The following AGBL1 variants were observed in gnomAD, a reference collection of about 807,000 sequenced individuals.
AGBL1 encodes the protein AGBL carboxypeptidase 1.
In AGBL1, 130 loss-of-function variants were observed where a neutral mutation model predicts 118.9. That is an observed-to-expected ratio of 1.09 (90% CI 0.95 to 1.26). The LOEUF (loss-of-function observed/expected upper bound fraction) is 1.26, where lower values mean the gene tolerates loss of function less well. Ranked by LOEUF, AGBL1 falls within the 50% of genes most tolerant of loss-of-function variation. The pLI, the probability that AGBL1 is intolerant of heterozygous loss-of-function variation, is 0.00. For synonymous variants in AGBL1, 555 were observed against 478.9 expected (o/e 1.16, Z -2.08); for missense variants, 1,584 against 1,298.1 (o/e 1.22, Z -3.38).
intron 23 of AGBL1, among the ~76,000 whole-genome samples, chr15:86,931,343 C>G (rs1045577991): frequency 6.6e-6 from 1 of 152,162 alleles, no homozygotes; most frequent in Non-Finnish European, 1.5e-5. Context: ...TGTAAGCTAT[C>G]AGAGAGGTCA....
chr15:86,746,963 T>C (rs778372590), intron 22 of AGBL1, among the ~76,000 whole-genome samples: 18 of 152,058 alleles, frequency 1.2e-4, no homozygotes, highest in South Asian at 4.1e-4. Context: ...AAGGAATTGA[T>C]AAGATCGCAT....
intron 18 of AGBL1, among the ~76,000 whole-genome samples, chr15:86,410,946 T>G (rs1271507181): frequency 9.8e-6 from 1 of 101,612 alleles, no homozygotes; most frequent in African/African-American, 3.5e-5. Context: ...ATATTATATA[T>G]ATATAGAGAG....
chr15:86,379,618 GACA>G (rs1158468269), intron 17 of AGBL1, among the ~76,000 whole-genome samples: 25 of 152,180 alleles, frequency 1.6e-4, no homozygotes, highest in Non-Finnish European at 2.9e-5. Flanking sequence ...ATTTAATTTT[GACA>G]ACAACCCCAT....
chr15:86,284,459 C>T (rs759852838), intron 16 of AGBL1, among the ~76,000 whole-genome samples: 5 of 152,126 alleles, frequency 3.3e-5, no homozygotes, highest in African/African-American at 4.8e-5. Context: ...TATTGGCAGA[C>T]TGGGACAGTT....
intron 22 of AGBL1, among the ~76,000 whole-genome samples, chr15:86,796,021 A>G (rs2078565671): frequency 6.6e-6 from 1 of 152,068 alleles, no homozygotes; most frequent in Non-Finnish European, 1.5e-5. Context: ...ACTATGCAGC[A>G]GTCTTCTTAC....
intron 22 of AGBL1, among the ~76,000 whole-genome samples, chr15:86,900,185 G>C (rs899974021): frequency 4.6e-5 from 7 of 152,152 alleles, no homozygotes; most frequent in African/African-American, 1.4e-4. Context: ...TGGGGACTCA[G>C]ACTGGCTTTC....
intron 5 of AGBL1, among the ~76,000 whole-genome samples, chr15:86,175,625 T>C (rs1038399858): frequency 2.6e-5 from 4 of 152,150 alleles, no homozygotes; most frequent in Admixed American, 1.3e-4. Flanking sequence ...TTTTTTGACA[T>C]AGTCACTTTT....
rs555921649 is a variant in AGBL1 at position 86,419,194 on chromosome 15, G to A, written c.2555+21648G>A. ...AAGATGGCTGAATAGGAACAGCTCC[G>A]GTCTATAGCTCCTACCGAGATCAAC... is the stretch of plus-strand genomic sequence containing the variant. On this transcript the variant is annotated intron_variant, in intron 18 of 22. Coordinates refer to ENST00000614907, the MANE Select transcript of AGBL1 (RefSeq NM_001386094.1). Among the ~76,000 whole-genome samples, 326 of 55,642 alleles carry A rather than the reference G, an allele frequency of 5.9e-3. 2 individuals are homozygous for A. The highest frequency in any genetic ancestry group is 0.022 in the African/African-American group (306 of 13,954). The allele number at this position is 55,642 out of a possible 152,430, so 36.5% of individuals were successfully genotyped here. A position where few individuals can be genotyped will look rare whatever the true frequency, so the allele number is the denominator to read the frequency against.
chr15:86,279,097 C>G (rs536283191), intron 15 of AGBL1, among the ~76,000 whole-genome samples: 1 of 152,326 alleles, frequency 6.6e-6, no homozygotes, highest in East Asian at 1.9e-4. Context: ...TTTCATCATC[C>G]ACATGATGGG....
At chr15:86,725,506 G>T (rs1481496818) in intron 22 of AGBL1, among the ~76,000 whole-genome samples, 3 of 152,238 alleles carry the variant, frequency 2.0e-5, no homozygotes, top group African/African-American at 7.2e-5. Context: ...TAGCTGAAAA[G>T]TTGTGGCTGC....
At chr15:86,206,633 T>C (rs2077997091) in intron 5 of AGBL1, among the ~76,000 whole-genome samples, 4 of 152,256 alleles carry the variant, frequency 2.6e-5, no homozygotes, top group Admixed American at 2.6e-4. Context: ...TGTCTTTTCA[T>C]ATCCTCTCCC....
intron 23 of AGBL1, among the ~76,000 whole-genome samples, chr15:86,945,205 C>T (rs187933886): frequency 2.1e-3 from 267 of 129,910 alleles, no homozygotes; most frequent in Middle Eastern, 0.017. Context: ...GATCTTACCA[C>T]GACACCCAAG....
chr15:86,413,920 C>A (rs2081655215), intron 18 of AGBL1, among the ~76,000 whole-genome samples: 1 of 151,996 alleles, frequency 6.6e-6, no homozygotes, highest in Admixed American at 6.6e-5. Context: ...GTGGAATCAA[C>A]CTAACTGTCC....
Position 86,578,449 on chromosome 15 carries a change from C to T in AGBL1, c.2994+23912C>T, listed in dbSNP as rs563445323. 7.2e-5 allele frequency among the ~76,000 whole-genome samples: 11 copies of T among 151,850 alleles called. No homozygotes were observed. The East Asian group carries it at 9.7e-4, about 13-fold the overall frequency. Reference sequence around the variant, plus strand: ...ACTTGCCTTGTCTCAGATGAGACTTCGGACTGTGGACTTTTGAGTTAATGC... The same window carrying T: ...ACTTGCCTTGTCTCAGATGAGACTTTGGACTGTGGACTTTTGAGTTAATGC... On this transcript the variant is annotated intron_variant, in intron 21 of 22. Transcript: ENST00000614907.
intron 21 of AGBL1, among the ~76,000 whole-genome samples, chr15:86,670,650 G>GTGTGTGTGTATA (rs369000727): frequency 1.4e-5 from 2 of 141,106 alleles, no homozygotes; most frequent in East Asian, 4.5e-4. Context: ...GTGTGTGTGT[G>GTGTGTGTGTATA]TATATATATA....
At chr15:86,548,996 T>C (rs2083627501) in intron 20 of AGBL1, among the ~76,000 whole-genome samples, 1 of 151,956 alleles carries the variant, frequency 6.6e-6, no homozygotes, top group Admixed American at 6.6e-5. Context: ...TGTCACACAC[T>C]TTTAAACTAC....
chr15:86,717,161 C>T (rs753552024), intron 22 of AGBL1, among the ~76,000 whole-genome samples: 2 of 151,984 alleles, frequency 1.3e-5, no homozygotes, highest in African/African-American at 2.4e-5. Flanking sequence ...ACAAGGGAAG[C>T]GAAGGGCAGG....
chr15:86,665,340 T>TA (rs1225964971), intron 21 of AGBL1, among the ~76,000 whole-genome samples: 3 of 2,270 alleles, frequency 1.3e-3, no homozygotes, highest in African/African-American at 2.5e-3. Context: ...CACTTCCAAA[T>TA]TTCCTTGGAA....
chr15:86,787,803 G>A (rs772298008), intron 22 of AGBL1, among the ~76,000 whole-genome samples: 4 of 152,092 alleles, frequency 2.6e-5, no homozygotes, highest in African/African-American at 9.7e-5. Flanking sequence ...AATTACTACC[G>A]AGTTTGTGGT....
Sources: gnomAD v4.1 joint callset for allele counts (sites outside exome capture counted in the v4.1 genomes callset) on GRCh38, gnomAD v4.1.1 for gene constraint, MANE v1.5 for transcripts, NCBI Gene and HGNC (gene_info 2026-07-23, HGNC 2026-07-21) for gene names.